TSNARE1: variants seen among roughly 807,000 people sequenced by gnomAD.
The protein encoded by TSNARE1 is t-SNARE domain containing 1.
Under a neutral mutation model 62.0 loss-of-function variants are expected in TSNARE1, and 49 were observed. That is an observed-to-expected ratio of 0.79 (90% CI 0.63 to 1.00). The LOEUF (loss-of-function observed/expected upper bound fraction) is 1.00, where lower values mean the gene tolerates loss of function less well. TSNARE1 is among the 50% of genes least tolerant of loss of function. The pLI is 0.00. For missense variants in TSNARE1, 755 were observed against 700.1 expected, an observed-to-expected ratio of 1.08 and a Z score of -0.88; for synonymous variants, 328 against 294.4, an observed-to-expected ratio of 1.11 and a Z score of -1.17.
At position 142,390,709 on chromosome 8, in the gene TSNARE1, A is replaced by G. The variant is rs1209793411; in HGVS notation, c.-40+12395T>C. Among the ~76,000 whole-genome samples, 3 of 10,980 alleles carry G rather than the reference A, an allele frequency of 2.7e-4. 1 individual carries two copies. The highest frequency in any genetic ancestry group is 4.3e-4 in the Non-Finnish European group (3 of 7,016). 7.2% of individuals were successfully genotyped at this position (10,980 alleles called of 152,430 possible). On this transcript the variant is annotated intron_variant, in intron 1 of 13. Transcript: ENST00000524325. ...GCTGTACACTGCGGGGGACTCCGTAACAGAAGCTGTACACTGCGGGGGACT... is the reference window on the plus strand; with the variant it reads ...GCTGTACACTGCGGGGGACTCCGTAGCAGAAGCTGTACACTGCGGGGGACT...
At chr8:142,275,641 G>GGGCA in intron 11 of TSNARE1, 2 of 985,430 alleles carry the variant, frequency 2.0e-6, no homozygotes, top group Non-Finnish European at 2.4e-6. Flanking sequence ...ACACGAGCAC[G>GGGCA]GGCAAGCCTT....
intron 12 of TSNARE1, among the ~76,000 whole-genome samples, chr8:142,241,102 G>C (rs373018450): frequency 6.6e-6 from 1 of 152,156 alleles, no homozygotes; most frequent in Non-Finnish European, 1.5e-5. Flanking sequence ...AGACGACATG[G>C]TCTTACTGAT....
intron 1 of TSNARE1, among the ~76,000 whole-genome samples, chr8:142,357,871 G>A (rs539317053): frequency 6.6e-6 from 1 of 152,366 alleles, no homozygotes; most frequent in South Asian, 2.1e-4. Flanking sequence ...GAGTCAGGGG[G>A]ATGTTAACCA....
intron 4 of TSNARE1, among the ~76,000 whole-genome samples, chr8:142,341,336 G>A (rs1832559837): frequency 6.6e-6 from 1 of 152,208 alleles, no homozygotes; most frequent in Non-Finnish European, 1.5e-5. Context: ...TCCTGCCAAG[G>A]CAAGGGCAAA....
intron 12 of TSNARE1, chr8:142,274,069 AC>A: frequency 1.0e-6 from 1 of 974,482 alleles, no homozygotes; most frequent in Non-Finnish European, 1.2e-6. Flanking sequence ...GGCCCATGCC[AC>A]CCTCACCTTG....
intron 2 of TSNARE1, among the ~76,000 whole-genome samples, chr8:142,346,314 C>T (rs1056746139): frequency 6.6e-6 from 1 of 152,214 alleles, no homozygotes; most frequent in Non-Finnish European, 1.5e-5. Flanking sequence ...TATAAAAGTG[C>T]CACTCCGTAG....
intron 9 of TSNARE1, among the ~76,000 whole-genome samples, chr8:142,309,606 C>T (rs1026721846): frequency 7.9e-5 from 12 of 152,162 alleles, no homozygotes; most frequent in Admixed American, 2.0e-4. Flanking sequence ...CAATAAAGCC[C>T]ACTTTATAAT....
intron 1 of TSNARE1, among the ~76,000 whole-genome samples, chr8:142,381,749 C>A (rs1031612295): frequency 1.3e-5 from 2 of 152,216 alleles, no homozygotes; most frequent in African/African-American, 4.8e-5. Context: ...AAGTCCCCAA[C>A]CCCAGATGAC....
At chr8:142,325,098 G>A (rs1359337552) in intron 6 of TSNARE1, among the ~76,000 whole-genome samples, 4 of 152,252 alleles carry the variant, frequency 2.6e-5, no homozygotes, top group African/African-American at 7.2e-5. Flanking sequence ...ACAGACCCAG[G>A]GACCGCCCAC....
intron 13 of TSNARE1, among the ~76,000 whole-genome samples, chr8:142,221,756 TTCAC>T (rs66702688): frequency 0.84 from 20,933 of 24,958 alleles, 9,536 homozygotes; most frequent in Non-Finnish European, 0.88. Flanking sequence ...CACTCACTCA[TTCAC>T]TCACTCACTC....
intron 1 of TSNARE1, among the ~76,000 whole-genome samples, chr8:142,371,081 A>C (rs1835882722): frequency 6.6e-6 from 1 of 152,236 alleles, no homozygotes; most frequent in Non-Finnish European, 1.5e-5. Flanking sequence ...TCAAAGAATA[A>C]GGAGGGAATA....
chr8:142,278,190 CTTGTCCAAGCCCA>C, intron 11 of TSNARE1: 2 of 985,460 alleles, frequency 2.0e-6, no homozygotes, highest in Non-Finnish European at 2.4e-6. Flanking sequence ...GCCCAGGCCC[CTTGTCCAAGCCCA>C]GCCACAGGGT....
rs12541997 is a variant in TSNARE1, at chr8:142,279,348, C to G, written c.1364-4485G>C. ...GACACCAGGCGGGAACGGCAGAGGC[C>G]AAGATGGGGGCCTTGGAGGGCACCA... On this transcript the variant is annotated intron_variant, in intron 11 of 13. Coordinates refer to ENST00000524325, the MANE Select transcript of TSNARE1 (RefSeq NM_145003.5). Among the ~76,000 whole-genome samples, 1,466 of 152,334 alleles carry G rather than the reference C, an allele frequency of 9.6e-3. 7 individuals carry two copies. Among genetic ancestry groups the G allele is most frequent in the Non-Finnish European group, 0.014 (976 of 68,018 alleles).
At chr8:142,277,947 G>A (rs1347704049) in intron 11 of TSNARE1, 2 of 985,258 alleles carry the variant, frequency 2.0e-6, no homozygotes, top group Non-Finnish European at 2.4e-6. Flanking sequence ...TTGCCATGAA[G>A]CACCCCCAAA....
chr8:142,332,966 T>C (rs547983522), intron 4 of TSNARE1, among the ~76,000 whole-genome samples: 1 of 152,340 alleles, frequency 6.6e-6, no homozygotes, highest in African/African-American at 2.4e-5. Context: ...ACACGGGGCC[T>C]GTGTGCAAGG....
At chr8:142,250,653 C>T (rs1272887135) in intron 12 of TSNARE1, among the ~76,000 whole-genome samples, 1 of 152,212 alleles carries the variant, frequency 6.6e-6, no homozygotes, top group Non-Finnish European at 1.5e-5. Flanking sequence ...AGCAGCTAGG[C>T]AACAGGCGCT....
chr8:142,376,237 C>T (rs1242890942), intron 1 of TSNARE1, among the ~76,000 whole-genome samples: 1 of 152,184 alleles, frequency 6.6e-6, no homozygotes, highest in Non-Finnish European at 1.5e-5. Flanking sequence ...CGCAGTGAGA[C>T]TCCACATGTG....
chr8:142,383,493 C>T (rs537950179), intron 1 of TSNARE1, among the ~76,000 whole-genome samples: 2 of 152,274 alleles, frequency 1.3e-5, no homozygotes, highest in Admixed American at 1.3e-4. Context: ...AGGCGCTGTC[C>T]GTGGTGCTGA....
intron 12 of TSNARE1, chr8:142,273,465 G>A (rs1041565979): frequency 2.0e-6 from 2 of 985,326 alleles, no homozygotes; most frequent in South Asian, 4.7e-5. Context: ...GCCAAGGGCT[G>A]AGGCCAAACA....
Sources: gnomAD v4.1 joint callset for allele counts (sites outside exome capture counted in the v4.1 genomes callset) on GRCh38, gnomAD v4.1.1 for gene constraint, MANE v1.5 for transcripts, NCBI Gene and HGNC (gene_info 2026-07-23, HGNC 2026-07-21) for gene names.